The following HMGN3 variants were observed in gnomAD, a reference collection of about 807,000 sequenced individuals.
The protein encoded by HMGN3 is high mobility group nucleosomal binding domain 3, also known as high mobility group nucleosome-binding domain-containing protein 3.
Under a neutral mutation model 18.8 loss-of-function variants are expected in HMGN3, and 6 were observed. The observed-to-expected ratio is 0.32, with a 90% confidence interval of 0.18 to 0.63. HMGN3 has a LOEUF of 0.63. Ranked by LOEUF, HMGN3 falls within the 30% of genes least tolerant of loss-of-function variation. The pLI, the probability that HMGN3 is intolerant of heterozygous loss-of-function variation, is 0.79. For synonymous variants in HMGN3, 40 were observed against 36.5 expected (o/e 1.10, Z -0.35); for missense variants, 107 against 114.2 (o/e 0.94, Z 0.29).
At chr6:79,234,155 G>A (rs772053082) in intron 1 of HMGN3, 4 of 184,608 alleles carry the variant, frequency 2.2e-5, no homozygotes, top group Non-Finnish European at 3.4e-5. Flanking sequence ...CTCTCCTTAC[G>A]CTTGTACTTG....
chr6:79,212,374 CCTTA>C (rs1776737432), intron 2 of HMGN3, among the ~76,000 whole-genome samples: 3 of 152,302 alleles, frequency 2.0e-5, no homozygotes, highest in South Asian at 2.1e-4. Context: ...TATTCTCCTT[CCTTA>C]CTTTGTTTTT....
At position 79,202,947 on chromosome 6, in the gene HMGN3, A is replaced by G. The variant is rs546610214; in HGVS notation, c.148-558T>C. ...ATCACCTACTCATGCCACTATACAC[A>G]TAAGTTTTAAACAATTCACATGGGA... On this transcript the variant is annotated intron_variant, in intron 4 of 5. Transcript: ENST00000344726. Among the ~76,000 whole-genome samples, 7 of 152,330 alleles carry G rather than the reference A, an allele frequency of 4.6e-5. No individual in the cohort carries two copies. The East Asian group carries it at 7.7e-4, about 17-fold the overall frequency.
At chr6:79,220,567 C>T (rs543766489) in intron 1 of HMGN3, among the ~76,000 whole-genome samples, 54 of 152,308 alleles carry the variant, frequency 3.5e-4, no homozygotes, top group African/African-American at 1.3e-3. Context: ...CTGCCTCAGC[C>T]TCCAGAGTAG....
intron 2 of HMGN3, among the ~76,000 whole-genome samples, chr6:79,210,344 T>C (rs4706755): frequency 0.93 from 142,001 of 152,162 alleles, 66,471 homozygotes; most frequent in East Asian, 1. Flanking sequence ...CCATGTCTCA[T>C]AAACTACAGC....
intron 5 of HMGN3, 126 bp from the exon 7 acceptor site, chr6:79,201,852 C>G: frequency 6.8e-7 from 1 of 1,465,446 alleles, no homozygotes. Flanking sequence ...AGCTTTACTG[C>G]AAAACCTATT....
intron 1 of HMGN3, among the ~76,000 whole-genome samples, chr6:79,231,690 C>T (rs775108250): frequency 6.6e-6 from 1 of 152,168 alleles, no homozygotes; most frequent in Non-Finnish European, 1.5e-5. Flanking sequence ...AGGAGACACA[C>T]TTGAATACCT....
intron 2 of HMGN3, among the ~76,000 whole-genome samples, chr6:79,213,236 G>C (rs980546508): frequency 6.6e-6 from 1 of 151,506 alleles, no homozygotes; most frequent in Non-Finnish European, 1.5e-5. Flanking sequence ...AGAGTGAGAT[G>C]CTATCTCAAA....
chr6:79,209,259 T>C (rs1040472085), intron 2 of HMGN3, among the ~76,000 whole-genome samples: 4 of 152,198 alleles, frequency 2.6e-5, no homozygotes, highest in Admixed American at 1.3e-4. Context: ...GGAAATCTTT[T>C]TTTCTTCAAG....
intron 2 of HMGN3, among the ~76,000 whole-genome samples, chr6:79,211,486 AT>A (rs1776691257): frequency 1.7e-5 from 2 of 114,496 alleles, no homozygotes; most frequent in East Asian, 4.9e-4. Context: ...TTTTTTTTTA[AT>A]TGTGAATCCT....
intron 3 of HMGN3, among the ~76,000 whole-genome samples, chr6:79,206,412 G>GT (rs1378135592): frequency 6.6e-6 from 1 of 152,172 alleles, no homozygotes; most frequent in Non-Finnish European, 1.5e-5. Context: ...CGCTCCAGCT[G>GT]TGACTAAAAG....
At chr6:79,229,897 C>T (rs1048386640) in intron 1 of HMGN3, among the ~76,000 whole-genome samples, 1 of 152,028 alleles carries the variant, frequency 6.6e-6, no homozygotes, top group Admixed American at 6.6e-5. Context: ...AAATGATAAA[C>T]ATAGACTTTC....
chr6:79,201,913 G>T, intron 5 of HMGN3, 150 bp downstream of exon 6: 2 of 1,434,182 alleles, frequency 1.4e-6, no homozygotes, highest in Non-Finnish European at 1.8e-6. Context: ...CAAACACTTT[G>T]TTTCATTTAT....
chr6:79,233,881 C>T (rs576323199), intron 1 of HMGN3: 29 of 152,550 alleles, frequency 1.9e-4, no homozygotes, highest in African/African-American at 7.0e-4. Flanking sequence ...CCGGCGCCGT[C>T]CCGTCTTCCA....
At chr6:79,217,418 A>G (rs972731621) in intron 1 of HMGN3, among the ~76,000 whole-genome samples, 2 of 152,228 alleles carry the variant, frequency 1.3e-5, no homozygotes, top group African/African-American at 2.4e-5. Context: ...TCCATGAATG[A>G]TAGATGATAA....
In HMGN3 at chr6:79,203,635, A is replaced by T; in HGVS notation, c.97-5T>A. 1 of 1,605,972 alleles carries T rather than the reference A, an allele frequency of 6.2e-7. No individual in the cohort carries two copies. The highest frequency in any genetic ancestry group is 8.5e-7 in the Non-Finnish European group (1 of 1,176,260). On this transcript the variant is annotated splice_polypyrimidine_tract_variant and splice_region_variant and intron_variant, in intron 3 of 5. Coordinates refer to ENST00000344726, the Ensembl canonical transcript of HMGN3. ...AGGTTTTGGTGGAGCAGGTTTCTGC[A>T]AAGATAATTTAAATTACACAAATAC...
At chr6:79,229,890 T>TTA (rs1290937321) in intron 1 of HMGN3, among the ~76,000 whole-genome samples, 1 of 151,448 alleles carries the variant, frequency 6.6e-6, no homozygotes, top group Non-Finnish European at 1.5e-5. Flanking sequence ...AAAAAAAAAA[T>TTA]GATAAACATA....
chr6:79,215,595 G>T (rs1776938886), intron 1 of HMGN3, among the ~76,000 whole-genome samples: 1 of 152,188 alleles, frequency 6.6e-6, no homozygotes, highest in Non-Finnish European at 1.5e-5. Context: ...ATGACAGCCA[G>T]GCTACGTGCC....
At chr6:79,208,977 G>A (rs1248262528) in intron 2 of HMGN3, among the ~76,000 whole-genome samples, 5 of 152,146 alleles carry the variant, frequency 3.3e-5, no homozygotes, top group African/African-American at 1.2e-4. Flanking sequence ...TGGAACTAAA[G>A]CTTTTAAGTT....
At chr6:79,221,876 C>CTTCATTGGTACACGTAGTACCAA (rs1777302465) in intron 1 of HMGN3, among the ~76,000 whole-genome samples, 1 of 148,788 alleles carries the variant, frequency 6.7e-6, no homozygotes, top group Admixed American at 6.7e-5. Context: ...TCCAAAAAAC[C>CTTCATTGGTACACGTAGTACCAA]TTCATTGGTA....
Sources: allele counts gnomAD v4.1 joint callset (sites outside exome capture counted in the v4.1 genomes callset), GRCh38; gene constraint gnomAD v4.1.1; transcripts MANE v1.5; gene names NCBI Gene and HGNC (gene_info 2026-07-23, HGNC 2026-07-21).